CNTNAP3B: variants seen among roughly 807,000 people sequenced by gnomAD.
CNTNAP3B encodes the protein contactin-associated protein-like 3B.
In CNTNAP3B, 25 loss-of-function variants were observed where a neutral mutation model predicts 108.9. The ratio of observed to expected loss-of-function variants is 0.23; its 90% confidence interval spans 0.17 to 0.32. The LOEUF is 0.32. CNTNAP3B is among the 10% of genes least tolerant of loss of function. CNTNAP3B has a pLI of 1.00. For missense variants in CNTNAP3B, 252 were observed against 1,210.4 expected, an observed-to-expected ratio of 0.21 and a Z score of 11.75; for synonymous variants, 103 against 473.4, an observed-to-expected ratio of 0.22 and a Z score of 10.16.
chr9:41,932,902 A>T (rs1824025178), intron 14 of CNTNAP3B, among the ~76,000 whole-genome samples: 1 of 152,306 alleles, frequency 6.6e-6, no homozygotes, highest in African/African-American at 2.4e-5. Flanking sequence ...AAAAATTTCT[A>T]GATTCTCAGT....
chr9:42,090,613 GTA>G (rs1443124298), intron 2 of CNTNAP3B, among the ~76,000 whole-genome samples: 5 of 132,292 alleles, frequency 3.8e-5, no homozygotes, highest in South Asian at 2.5e-4. Flanking sequence ...ATATATGTAT[GTA>G]TATACTGACA....
chr9:42,085,914 C>T (rs1054861568), intron 2 of CNTNAP3B, among the ~76,000 whole-genome samples: 4 of 145,184 alleles, frequency 2.8e-5, no homozygotes, highest in African/African-American at 8.0e-5. Flanking sequence ...TAAATAGCAA[C>T]CAGTTCAATG....
At chr9:42,107,672 T>C (rs1159515473) in intron 1 of CNTNAP3B, among the ~76,000 whole-genome samples, 1 of 136,024 alleles carries the variant, frequency 7.4e-6, no homozygotes, top group African/African-American at 3.0e-5. Flanking sequence ...TGAATAAATC[T>C]TGCCCTTCAG....
intron 18 of CNTNAP3B, among the ~76,000 whole-genome samples, chr9:41,919,853 T>C (rs1823620878): frequency 1.3e-5 from 2 of 152,298 alleles, no homozygotes; most frequent in Non-Finnish European, 2.9e-5. Flanking sequence ...AACCCAGAGA[T>C]CTTCTAAATA....
At chr9:42,018,753 G>T (rs1334628002) in intron 3 of CNTNAP3B, among the ~76,000 whole-genome samples, 3 of 151,758 alleles carry the variant, frequency 2.0e-5, no homozygotes, top group Non-Finnish European at 2.9e-5. Flanking sequence ...CGAAGCTGGA[G>T]AGACCTGGGT....
Position 42,108,398 on chromosome 9 carries a change from G to A in CNTNAP3B, c.86-3659C>T, listed in dbSNP as rs114834228. ...AAATGATATAAAATGTTTTATTCAG[G>A]GTTGTTTTATATCTGTTCAAAAATG... On this transcript the variant is annotated intron_variant, in intron 1 of 23. Coordinates refer to ENST00000377561, the MANE Select transcript of CNTNAP3B (RefSeq NM_001201380.3). Among the ~76,000 whole-genome samples the A allele has an allele frequency of 5.0e-3, 696 of 138,390 alleles. 147 individuals are homozygous for A. Among genetic ancestry groups the A allele is most frequent in the African/African-American group, 0.019 (664 of 34,816 alleles). The allele number at this position is 138,390 out of a possible 152,430, so 90.8% of individuals were successfully genotyped here.
rs1326464837 is a variant in CNTNAP3B at position 41,930,672 on chromosome 9, A to G, written c.2238-1228T>C. 1.0e-4 allele frequency among the ~76,000 whole-genome samples: 16 copies of G among 152,420 alleles called. No individual in the cohort carries two copies. The East Asian group carries it at 3.1e-3, about 29-fold the overall frequency. On this transcript the variant is annotated intron_variant, in intron 14 of 23. Coordinates refer to ENST00000377561, the MANE Select transcript of CNTNAP3B (RefSeq NM_001201380.3). ...TAGTCTCTGCCTTCTGAAAGCACAC[A>G]GCCTATTGAATACCATGAGTATTAA...
chr9:42,030,363 G>A (rs1826490141), intron 3 of CNTNAP3B, among the ~76,000 whole-genome samples: 1 of 24,326 alleles, frequency 4.1e-5, no homozygotes, highest in Admixed American at 5.5e-4. Flanking sequence ...TTGTGTGGTC[G>A]CTGTCTCCCA....
intron 1 of CNTNAP3B, among the ~76,000 whole-genome samples, chr9:42,122,063 C>A (rs192350868): frequency 0.012 from 1,664 of 139,738 alleles, 259 homozygotes; most frequent in Non-Finnish European, 0.018. Context: ...AGTGAGGAGC[C>A]CTGAGCTTAG....
intron 2 of CNTNAP3B, among the ~76,000 whole-genome samples, chr9:42,098,082 A>T (rs1385007357): frequency 1.4e-5 from 2 of 139,738 alleles, no homozygotes; most frequent in South Asian, 2.3e-4. Flanking sequence ...ATTCATACAT[A>T]TTATTTTGTA....
At chr9:41,966,531 G>GT in intron 10 of CNTNAP3B, among the ~76,000 whole-genome samples, 1 of 152,184 alleles carries the variant, frequency 6.6e-6, no homozygotes, top group African/African-American at 2.4e-5. Context: ...GCACAGCCAG[G>GT]TGAGGAGGTG....
At chr9:41,969,225 C>T (rs1290743336) in intron 10 of CNTNAP3B, among the ~76,000 whole-genome samples, 4 of 151,110 alleles carry the variant, frequency 2.6e-5, no homozygotes, top group Non-Finnish European at 4.4e-5. Context: ...TTCTTCTCAG[C>T]CAAAATCTTT....
At chr9:41,947,540 C>G (rs1399443613) in intron 13 of CNTNAP3B, among the ~76,000 whole-genome samples, 1 of 152,130 alleles carries the variant, frequency 6.6e-6, no homozygotes, top group Non-Finnish European at 1.5e-5. Flanking sequence ...GTAGGTAAAA[C>G]TGTGTTGATA....
chr9:41,933,233 G>GGT (rs1824035958), intron 14 of CNTNAP3B, among the ~76,000 whole-genome samples: 2 of 152,098 alleles, frequency 1.3e-5, no homozygotes, highest in African/African-American at 4.8e-5. Context: ...TCATGGGGGG[G>GGT]GCTGTCCTGT....
At chr9:42,086,432 T>A (rs867310569) in intron 2 of CNTNAP3B, among the ~76,000 whole-genome samples, 298 of 18,682 alleles carry the variant, frequency 0.016, no homozygotes, top group Middle Eastern at 0.047. Context: ...TTGCATTTAC[T>A]TTTTTTTTTT....
intron 1 of CNTNAP3B, among the ~76,000 whole-genome samples, chr9:42,113,661 T>C (rs1156701075): frequency 2.1e-5 from 3 of 139,862 alleles, no homozygotes; most frequent in Non-Finnish European, 4.6e-5. Context: ...GAACTGTTAA[T>C]AAAGGGCAAT....
rs1156882673 is a variant in CNTNAP3B, at chr9:42,030,813, G to GAGAGAGA, written c.391-17289_391-17288insTCTCTCT. Among the ~76,000 whole-genome samples, 96 of 65,770 alleles carry GAGAGAGA rather than the reference G, an allele frequency of 1.5e-3. 11 individuals carry two copies. The highest frequency in any genetic ancestry group is 3.4e-3 in the African/African-American group (43 of 12,748). 43.1% of individuals were successfully genotyped at this position (65,770 alleles called of 152,430 possible). ...TGTGCGAGAGAGAGAGAGAGAGAGA[G>GAGAGAGA]GAGAGAGAGAGAGAGAGAGAGAGAG... On this transcript the variant is annotated intron_variant, in intron 3 of 23. Coordinates refer to ENST00000377561, the MANE Select transcript of CNTNAP3B (RefSeq NM_001201380.3).
chr9:42,060,246 A>G (rs1827151908), intron 3 of CNTNAP3B, among the ~76,000 whole-genome samples: 1 of 136,806 alleles, frequency 7.3e-6, no homozygotes, highest in Non-Finnish European at 1.6e-5. Flanking sequence ...AGGTTGTTAG[A>G]CATTTTGTCA....
intron 13 of CNTNAP3B, among the ~76,000 whole-genome samples, chr9:41,945,430 G>GCAGC (rs1824501818): frequency 6.6e-6 from 1 of 152,306 alleles, no homozygotes; most frequent in Non-Finnish European, 1.5e-5. Flanking sequence ...GGAATACTAT[G>GCAGC]CAGCCATGAA....
Sources: gnomAD v4.1 joint callset for allele counts (sites outside exome capture counted in the v4.1 genomes callset) on GRCh38, gnomAD v4.1.1 for gene constraint, MANE v1.5 for transcripts, NCBI Gene and HGNC (gene_info 2026-07-23, HGNC 2026-07-21) for gene names.